NKAIN2: variants seen among roughly 807,000 people sequenced by gnomAD.
NKAIN2 encodes sodium/potassium transporting ATPase interacting 2.
NKAIN2 carries 14 observed loss-of-function variants against 32.6 expected under a neutral mutation model. That is an observed-to-expected ratio of 0.43 (90% CI 0.28 to 0.67). The LOEUF is 0.67. Among genes scored for constraint, NKAIN2 ranks in the 30% least tolerant of loss-of-function variants. The pLI is 0.17. For missense variants in NKAIN2, 198 were observed against 258.3 expected (o/e 0.77, Z 1.60); for synonymous variants, 80 against 87.2 (o/e 0.92, Z 0.46).
chr6:124,506,870 A>G (rs1285002520), intron 3 of NKAIN2, among the ~76,000 whole-genome samples: 1 of 152,200 alleles, frequency 6.6e-6, no homozygotes, highest in Non-Finnish European at 1.5e-5. Flanking sequence ...CCCTCTAGGG[A>G]AATCGCTTAG....
intron 1 of NKAIN2, among the ~76,000 whole-genome samples, chr6:124,094,508 T>G (rs1384503044): frequency 6.6e-6 from 1 of 152,172 alleles, no homozygotes; most frequent in Non-Finnish European, 1.5e-5. Flanking sequence ...GTGCTTTTCT[T>G]TGTTCTTTAT....
intron 3 of NKAIN2, among the ~76,000 whole-genome samples, chr6:124,514,924 A>G (rs1778847882): frequency 6.6e-6 from 1 of 152,290 alleles, no homozygotes; most frequent in Admixed American, 6.5e-5. Flanking sequence ...CTAAAAGCCT[A>G]TGGGAGATAG....
chr6:124,116,260 C>T (rs1785605556), intron 1 of NKAIN2, among the ~76,000 whole-genome samples: 1 of 152,108 alleles, frequency 6.6e-6, no homozygotes, highest in Non-Finnish European at 1.5e-5. Flanking sequence ...GTTCCTTCAG[C>T]AGTTTGCTCT....
chr6:124,702,673 C>T (rs1774854975), intron 4 of NKAIN2, among the ~76,000 whole-genome samples: 1 of 152,040 alleles, frequency 6.6e-6, no homozygotes, highest in Non-Finnish European at 1.5e-5. Context: ...TGTTCTTTCT[C>T]CATTAAATCA....
intron 1 of NKAIN2, among the ~76,000 whole-genome samples, chr6:124,201,791 A>T (rs1023996314): frequency 6.6e-6 from 1 of 152,026 alleles, no homozygotes; most frequent in South Asian, 2.1e-4. Flanking sequence ...TGATCTGCCT[A>T]TATTCTTAGG....
At chr6:124,543,171 G>A (rs887267809) in intron 3 of NKAIN2, among the ~76,000 whole-genome samples, 13 of 152,114 alleles carry the variant, frequency 8.5e-5, no homozygotes, top group Non-Finnish European at 1.6e-4. Context: ...AGTGGTATAT[G>A]CTATGCCTAC....
At chr6:124,421,300 A>C (rs938605697) in intron 3 of NKAIN2, among the ~76,000 whole-genome samples, 5 of 152,134 alleles carry the variant, frequency 3.3e-5, no homozygotes, top group African/African-American at 1.2e-4. Context: ...TCAAAAGGTT[A>C]AGATGAAAGA....
At chr6:124,373,811 TG>T (rs1799871418) in intron 3 of NKAIN2, among the ~76,000 whole-genome samples, 2 of 152,116 alleles carry the variant, frequency 1.3e-5, no homozygotes, top group South Asian at 4.1e-4. Flanking sequence ...AAAGTGGTTT[TG>T]GTGGAAAAAT....
intron 1 of NKAIN2, among the ~76,000 whole-genome samples, chr6:124,081,353 C>T (rs1171402944): frequency 6.6e-6 from 1 of 152,014 alleles, no homozygotes; most frequent in Non-Finnish European, 1.5e-5. Context: ...TCAAATAAGA[C>T]ATTTTGAAAT....
chr6:124,810,252 G>A (rs1367913416), intron 5 of NKAIN2, among the ~76,000 whole-genome samples: 2 of 151,740 alleles, frequency 1.3e-5, no homozygotes, highest in African/African-American at 4.8e-5. Context: ...AACAATGATA[G>A]ACTGGATTAA....
chr6:123,868,876 G>T (rs576518003), intron 1 of NKAIN2, among the ~76,000 whole-genome samples: 3 of 152,242 alleles, frequency 2.0e-5, no homozygotes, highest in African/African-American at 7.2e-5. Flanking sequence ...ATCAGTTCTT[G>T]TTTATATTTT....
intron 4 of NKAIN2, among the ~76,000 whole-genome samples, chr6:124,681,915 G>A (rs1773641575): frequency 6.6e-6 from 1 of 151,764 alleles, no homozygotes; most frequent in Non-Finnish European, 1.5e-5. Flanking sequence ...CACCAGTGAA[G>A]CAAATTTGCA....
rs1251133983 is a variant in NKAIN2, at chr6:124,170,172, C to T, written c.55-112833C>T. Among the ~76,000 whole-genome samples the T allele has an allele frequency of 3.9e-5, 6 of 152,112 alleles. No homozygotes were observed. In the East Asian group the frequency reaches 9.6e-4, roughly 24 times the overall value. On this transcript the variant is annotated intron_variant, in intron 1 of 6. Coordinates refer to ENST00000368417, the MANE Select transcript of NKAIN2 (RefSeq NM_001040214.3). ...AGATCTCAGCTCAAATATCACCTTT[C>T]CCTGCATTATTGTCTAATATTTTGT...
chr6:124,456,778 T>G (rs750192829), intron 3 of NKAIN2, among the ~76,000 whole-genome samples: 1 of 151,976 alleles, frequency 6.6e-6, no homozygotes, highest in Non-Finnish European at 1.5e-5. Context: ...GATGTATTAT[T>G]TTATGTTATT....
At chr6:124,539,506 G>C (rs971450043) in intron 3 of NKAIN2, among the ~76,000 whole-genome samples, 1 of 151,628 alleles carries the variant, frequency 6.6e-6, no homozygotes, top group Non-Finnish European at 1.5e-5. Flanking sequence ...TTTTCACTCA[G>C]GATGGTATTT....
intron 3 of NKAIN2, among the ~76,000 whole-genome samples, chr6:124,424,392 GTA>G (rs1409428973): frequency 1.3e-5 from 2 of 152,094 alleles, no homozygotes; most frequent in Non-Finnish European, 2.9e-5. Context: ...CTGTGTGTGT[GTA>G]TGTGTGTGTG....
intron 3 of NKAIN2, among the ~76,000 whole-genome samples, chr6:124,412,018 G>A (rs1774212584): frequency 6.6e-6 from 1 of 152,150 alleles, no homozygotes; most frequent in East Asian, 1.9e-4. Flanking sequence ...TCGTGCCGTG[G>A]TTTTCAGCTC....
At chr6:124,808,307 C>T (rs1780695569) in intron 5 of NKAIN2, among the ~76,000 whole-genome samples, 1 of 151,814 alleles carries the variant, frequency 6.6e-6, no homozygotes, top group Admixed American at 6.6e-5. Context: ...GGCTTCATCC[C>T]TGGGATGCAA....
intron 3 of NKAIN2, among the ~76,000 whole-genome samples, chr6:124,478,857 G>A (rs1040358859): frequency 6.6e-6 from 1 of 152,122 alleles, no homozygotes; most frequent in African/African-American, 2.4e-5. Context: ...ATGGAAGTGA[G>A]GGTGAAAGAG....
Sources: gnomAD v4.1 joint callset for allele counts (sites outside exome capture counted in the v4.1 genomes callset) on GRCh38, gnomAD v4.1.1 for gene constraint, MANE v1.5 for transcripts, NCBI Gene and HGNC (gene_info 2026-07-23, HGNC 2026-07-21) for gene names.